Variants in ZFYVE9 observed in about 807,000 individuals in gnomAD.
The protein encoded by ZFYVE9 is zinc finger FYVE domain-containing protein 9.
Under a neutral mutation model 126.7 loss-of-function variants are expected in ZFYVE9, and 43 were observed. The ratio of observed to expected loss-of-function variants is 0.34; its 90% CI spans 0.27 to 0.44. ZFYVE9 has a LOEUF of 0.44. Among genes scored for constraint, ZFYVE9 ranks in the 20% least tolerant of loss-of-function variants. The probability of loss-of-function intolerance (pLI) is 1.00; values close to 1 mark genes in which losing one functional copy is unlikely to be tolerated. For synonymous variants in ZFYVE9, 521 were observed against 597.4 expected (o/e 0.87, Z 1.87); for missense variants, 1,476 against 1,697.0 (o/e 0.87, Z 2.29).
intron 7 of ZFYVE9, among the ~76,000 whole-genome samples, chr1:52,273,689 G>A (rs576697459): frequency 1.1e-3 from 173 of 151,956 alleles, no homozygotes; most frequent in Admixed American, 2.3e-3. Flanking sequence ...TTAGCCAGGC[G>A]TGGTGGCACG....
intron 7 of ZFYVE9, among the ~76,000 whole-genome samples, chr1:52,270,211 G>A (rs1645675786): frequency 6.6e-6 from 1 of 152,096 alleles, no homozygotes. Flanking sequence ...AACTTAACAT[G>A]TAATTCTGGT....
intron 2 of ZFYVE9, among the ~76,000 whole-genome samples, chr1:52,223,923 C>T (rs1280281088): frequency 1.3e-5 from 2 of 152,192 alleles, no homozygotes; most frequent in Non-Finnish European, 2.9e-5. Context: ...AAGAGAATAA[C>T]TAGGATAGAC....
At chr1:52,171,844 G>C (rs1168021734) in intron 1 of ZFYVE9, among the ~76,000 whole-genome samples, 1 of 152,118 alleles carries the variant, frequency 6.6e-6, no homozygotes, top group Non-Finnish European at 1.5e-5. Flanking sequence ...TTTTGATGGG[G>C]TTGTTTGTTT....
chr1:52,242,760 A>C (rs908465183), intron 4 of ZFYVE9, among the ~76,000 whole-genome samples: 2 of 152,240 alleles, frequency 1.3e-5, no homozygotes, highest in African/African-American at 4.8e-5. Flanking sequence ...AGAATATTAC[A>C]TGGCAATTCA....
chr1:52,242,301 G>A (rs1645342585), intron 4 of ZFYVE9, among the ~76,000 whole-genome samples: 1 of 152,064 alleles, frequency 6.6e-6, no homozygotes, highest in African/African-American at 2.4e-5. Context: ...CAAAGTGCTG[G>A]GATTACAGAC....
At chr1:52,311,965 A>G (rs1646141091) in intron 13 of ZFYVE9, among the ~76,000 whole-genome samples, 1 of 151,612 alleles carries the variant, frequency 6.6e-6, no homozygotes. Flanking sequence ...TAATTTTTGT[A>G]TTTTTAGTAG....
intron 1 of ZFYVE9, among the ~76,000 whole-genome samples, chr1:52,151,434 A>T (rs1234067337): frequency 6.6e-6 from 1 of 151,910 alleles, no homozygotes; most frequent in Non-Finnish European, 1.5e-5. Context: ...TATCAAGCTC[A>T]TATATCTCTG....
intron 13 of ZFYVE9, among the ~76,000 whole-genome samples, chr1:52,318,315 C>T (rs558713332): frequency 1.3e-5 from 2 of 150,724 alleles, no homozygotes; most frequent in Non-Finnish European, 2.9e-5. Flanking sequence ...TATGATACAG[C>T]AAAAGCAGTT....
chr1:52,238,254 T>C lies in ZFYVE9; in HGVS notation c.837T>C (p.Pro279=), dbSNP rs2124629520. ...VISSQGTDGC[P]AVKKQENYIP... is the part of the protein sequence containing the mutation. ...CATCCCAGGGAACAGATGGATGTCC[T>C]GCTGTTAAAAAGCAAGAGAACTATA... The change falls in exon 4 of 19, where the codon CCT becomes CCC. Residue 279 remains proline, a synonymous_variant. Coordinates refer to ENST00000287727, the MANE Select transcript of ZFYVE9 (RefSeq NM_004799.4). 1 of 1,614,082 alleles carries C rather than the reference T, an allele frequency of 6.2e-7. No homozygotes were observed.
intron 1 of ZFYVE9, among the ~76,000 whole-genome samples, chr1:52,207,290 C>T (rs1043862242): frequency 6.6e-6 from 1 of 152,174 alleles, no homozygotes; most frequent in Non-Finnish European, 1.5e-5. Context: ...GCTGTTCTAG[C>T]GATTTCAATG....
At chr1:52,159,498 A>T (rs1644436281) in intron 1 of ZFYVE9, among the ~76,000 whole-genome samples, 1 of 152,200 alleles carries the variant, frequency 6.6e-6, no homozygotes, top group African/African-American at 2.4e-5. Flanking sequence ...CTCAGACAAC[A>T]CAGTGAAGAC....
At chr1:52,237,394 A>G in intron 3 of ZFYVE9, 94 bp from the exon 4 acceptor site, 1 of 1,145,862 alleles carries the variant, frequency 8.7e-7, no homozygotes, top group Non-Finnish European at 1.2e-6. Context: ...TGGAATATTT[A>G]ATTTTCAAAC....
chr1:52,214,890 T>A (rs1467321407), intron 1 of ZFYVE9, among the ~76,000 whole-genome samples: 1 of 152,028 alleles, frequency 6.6e-6, no homozygotes, highest in African/African-American at 2.4e-5. Context: ...CAAGCCTTAT[T>A]TTATTCACGT....
intron 14 of ZFYVE9, among the ~76,000 whole-genome samples, chr1:52,333,791 TA>T (rs547487941): frequency 0.017 from 2,045 of 122,896 alleles, 10 homozygotes; most frequent in Middle Eastern, 0.03. Context: ...CCCTGTCTCT[TA>T]AAAAAAAAAA....
At chr1:52,177,944 G>T (rs4606259) in intron 1 of ZFYVE9, among the ~76,000 whole-genome samples, 112,290 of 147,966 alleles carry the variant, frequency 0.76, 45,681 homozygotes, top group Non-Finnish European at 0.89. Flanking sequence ...AAGTAGTTTT[G>T]TTTTTTTTTT....
chr1:52,296,001 T>C, intron 12 of ZFYVE9, 24 bp downstream of exon 12: 3 of 1,602,096 alleles, frequency 1.9e-6, no homozygotes, highest in Non-Finnish European at 2.6e-6. Flanking sequence ...TTTTTTTCCT[T>C]TGTCCTTACT....
At chr1:52,146,315 A>G (rs1366091363) in intron 1 of ZFYVE9, among the ~76,000 whole-genome samples, 1 of 152,152 alleles carries the variant, frequency 6.6e-6, no homozygotes, top group African/African-American at 2.4e-5. Context: ...TGTATATAAT[A>G]ATCATTGGAA....
intron 2 of ZFYVE9, among the ~76,000 whole-genome samples, chr1:52,224,457 C>T (rs890308661): frequency 6.6e-6 from 1 of 152,172 alleles, no homozygotes; most frequent in African/African-American, 2.4e-5. Flanking sequence ...GCTTTGCTTT[C>T]TCATCCTTTA....
At chr1:52,269,794 GTTT>G (rs201237685) in intron 7 of ZFYVE9, among the ~76,000 whole-genome samples, 1 of 143,966 alleles carries the variant, frequency 6.9e-6, no homozygotes. Flanking sequence ...GTTTGTTTTG[GTTT>G]TTTTTTTTGA....
Sources: allele counts gnomAD v4.1 joint callset (sites outside exome capture counted in the v4.1 genomes callset), GRCh38; gene constraint gnomAD v4.1.1; transcripts MANE v1.5; gene names NCBI Gene and HGNC (gene_info 2026-07-23, HGNC 2026-07-21).